MED6: variants seen among roughly 807,000 people sequenced by gnomAD.
The protein encoded by MED6 is mediator of RNA polymerase II transcription subunit 6.
MED6 carries 33 observed loss-of-function variants against 37.5 expected under a neutral mutation model. The observed-to-expected ratio is 0.88, with a 90% confidence interval of 0.67 to 1.18. The LOEUF (loss-of-function observed/expected upper bound fraction) is 1.18. Among genes scored for constraint, MED6 ranks in the 50% most tolerant of loss-of-function variants. MED6 has a pLI of 0.00. For synonymous variants in MED6, 94 were observed against 93.6 expected, an observed-to-expected ratio of 1.00 and a Z score of -0.02; for missense variants, 235 against 290.6, an observed-to-expected ratio of 0.81 and a Z score of 1.39.
At position 70,593,366 on chromosome 14, in the gene MED6, G is replaced by C. The variant is rs1884942023; in HGVS notation, c.287C>G (p.Ala96Gly). ...CACTCCAGCAATGATATAGTAATCA[G>C]CTAGTGGGATAACTAAAACAGTGGG... The part of the protein sequence containing the change: ...RQSPAQVIPL[A>G]DYYIIAGVIY... Residue 96 changes from alanine (A) to glycine (G), a missense_variant, in exon 4 of 8, where the codon GCT becomes GGT. Transcript: ENST00000256379. The C allele has an allele frequency of 1.2e-6, 2 of 1,613,080 alleles. No individual in the cohort carries two copies. Among genetic ancestry groups the C allele is most frequent in the African/African-American group, 2.7e-5 (2 of 75,020 alleles).
rs747943903 is a variant in MED6 at position 70,584,136 on chromosome 14, C to G, written c.*677G>C. 1 of 741,584 alleles carries G rather than the reference C, an allele frequency of 1.3e-6. No homozygotes were observed. Among genetic ancestry groups the G allele is most frequent in the Non-Finnish European group, 2.4e-6 (1 of 410,050 alleles). 45.9% of individuals were successfully genotyped at this position (741,584 alleles called of 1,614,324 possible). ...TAATACTGAGGATTATGTAACTGAA[C>G]AAAAAGAAATATGCTTAGTTACTAC... is the stretch of plus-strand genomic sequence containing the variant. On this transcript the variant is annotated 3_prime_UTR_variant, in exon 8 of 8. Transcript: ENST00000256379.
intron 1 of MED6, among the ~76,000 whole-genome samples, chr14:70,599,521 C>T (rs1885142861): frequency 1.3e-5 from 2 of 152,122 alleles, no homozygotes; most frequent in South Asian, 4.1e-4. Context: ...AATGGCTCTG[C>T]GTTTTACTCA....
At chr14:70,596,790 C>T (rs1885061490) in intron 2 of MED6, 88 bp from the exon 3 acceptor site, 2 of 953,280 alleles carry the variant, frequency 2.1e-6, no homozygotes, top group Admixed American at 2.2e-5. Flanking sequence ...AAAAATGCAG[C>T]AACACTTTAA....
chr14:70,595,967 T>C (rs1283191176), intron 3 of MED6, among the ~76,000 whole-genome samples: 1 of 152,242 alleles, frequency 6.6e-6, no homozygotes, highest in African/African-American at 2.4e-5. Context: ...GTAGCTTTGA[T>C]GCAGTGAGTC....
chr14:70,599,726 AT>A (rs78077196), intron 1 of MED6, among the ~76,000 whole-genome samples: 19,046 of 152,108 alleles, frequency 0.13, 1,628 homozygotes, highest in East Asian at 0.48. Flanking sequence ...TATAAACTAA[AT>A]ATTTCTCTTT....
At chr14:70,591,435 A>G (rs887038160) in intron 5 of MED6, 54 bp from the exon 6 acceptor site, 70 of 1,376,548 alleles carry the variant, frequency 5.1e-5, no homozygotes, top group Non-Finnish European at 6.4e-5. Context: ...TTGGTGTCTC[A>G]TATTTTACAA....
rs1416782920 is a variant in MED6, at chr14:70,591,347, T to C, written c.501A>G (p.Glu167=). 1 of 1,606,162 alleles carries C rather than the reference T, an allele frequency of 6.2e-7. No individual in the cohort carries two copies. The highest frequency in any genetic ancestry group is 1.3e-5 in the African/African-American group (1 of 74,432). The change falls in exon 6 of 8, where the codon GAA becomes GAG. Residue 167 remains glutamate, a synonymous_variant. Coordinates refer to ENST00000256379, the MANE Select transcript of MED6 (RefSeq NM_005466.4). ...GTTGTCTCTGAAAAATAGAGCTTGGTTCTTCTTTCCTTTTGGCTTTAGGTC... is the reference window on the plus strand; with the variant it reads ...GTTGTCTCTGAAAAATAGAGCTTGGCTCTTCTTTCCTTTTGGCTTTAGGTC... The part of the protein sequence containing the change: ...KVRPKAKRKE[E]PSSIFQRQRV...
chr14:70,591,054 A>G (rs1269703871), intron 6 of MED6, among the ~76,000 whole-genome samples: 1 of 152,242 alleles, frequency 6.6e-6, no homozygotes. Context: ...GTGAAGTTTC[A>G]GTAAGAAACA....
chr14:70,593,482 G>T, intron 3 of MED6, 104 bp from the exon 4 acceptor site: 1 of 872,708 alleles, frequency 1.1e-6, no homozygotes, highest in Non-Finnish European at 1.8e-6. Flanking sequence ...CATAAGGCAG[G>T]GTTTAGCAAT....
chr14:70,597,962 TATG>T (rs1167790066), intron 1 of MED6, 185 bp from the exon 2 acceptor site: 3 of 403,578 alleles, frequency 7.4e-6, no homozygotes, highest in African/African-American at 2.1e-5. Flanking sequence ...GATTAAGTCT[TATG>T]ATAAAGACAT....
chr14:70,593,007 A>G lies in MED6; in HGVS notation c.358-19T>C. The G allele has an allele frequency of 6.2e-7, 1 of 1,612,364 alleles. No individual in the cohort carries two copies. The highest frequency in any genetic ancestry group is 1.6e-4 in the Middle Eastern group (1 of 6,062). ...CAGTAAGCTTGTAAAAGGAAAATAA[A>G]CTCTAAATTTATCATTAGGTCGACC... On this transcript the variant is annotated intron_variant, in intron 4 of 7. Transcript: ENST00000256379.
intron 6 of MED6, among the ~76,000 whole-genome samples, chr14:70,588,415 G>C (rs555123740): frequency 2.8e-4 from 42 of 152,226 alleles, no homozygotes; most frequent in African/African-American, 9.1e-4. Flanking sequence ...GCCGGGCGCG[G>C]TGGCTCATGC....
chr14:70,586,415 A>G (rs1884708738), intron 6 of MED6, among the ~76,000 whole-genome samples: 1 of 152,198 alleles, frequency 6.6e-6, no homozygotes, highest in African/African-American at 2.4e-5. Context: ...TAAATGCTCT[A>G]CGACATTCTT....
Position 70,597,600 on chromosome 14 carries a change from C to A in MED6, c.182+18G>T. On this transcript the variant is annotated intron_variant, in intron 2 of 7. Coordinates refer to ENST00000256379, the MANE Select transcript of MED6 (RefSeq NM_005466.4). ...AACTTGTATTTGGAAAAAGTGCCACCTTCTTAAAATAACTTACTTCAAGTG... is the reference window on the plus strand; with the variant it reads ...AACTTGTATTTGGAAAAAGTGCCACATTCTTAAAATAACTTACTTCAAGTG... The A allele has an allele frequency of 7.0e-7, 1 of 1,434,248 alleles. No homozygotes were observed. The highest frequency in any genetic ancestry group is 9.2e-7 in the Non-Finnish European group (1 of 1,091,414). 88.8% of individuals were successfully genotyped at this position (1,434,248 alleles called of 1,614,324 possible).
intron 1 of MED6, among the ~76,000 whole-genome samples, chr14:70,599,416 C>G (rs1038215136): frequency 3.3e-5 from 5 of 152,152 alleles, no homozygotes; most frequent in African/African-American, 1.2e-4. Context: ...ACTGGTTTTC[C>G]TAATTCTACC....
intron 3 of MED6, chr14:70,595,582 TGGCACAGGCCGG>T (rs1885019626): frequency 2.8e-6 from 2 of 721,702 alleles, no homozygotes. Context: ...GAGTTGGAGC[TGGCACAGGCCGG>T]GGCAGAGAGG....
chr14:70,588,060 G>C (rs1018346593), intron 6 of MED6, among the ~76,000 whole-genome samples: 1 of 152,208 alleles, frequency 6.6e-6, no homozygotes, highest in Non-Finnish European at 1.5e-5. Flanking sequence ...GGTAGTTCTG[G>C]AGGATGCAAT....
At chr14:70,595,635 C>A (rs1240844057) in intron 3 of MED6, 3 of 929,042 alleles carry the variant, frequency 3.2e-6, no homozygotes, top group Non-Finnish European at 3.4e-6. Flanking sequence ...CAAGGCCCTG[C>A]TGAACATCAA....
intron 3 of MED6, chr14:70,595,238 T>C (rs772832818): frequency 5.9e-5 from 32 of 544,898 alleles, no homozygotes; most frequent in Admixed American, 1.3e-4. Flanking sequence ...CAGCTCTGGG[T>C]TGACGATGAA....
Sources: gnomAD v4.1 joint callset for allele counts (sites outside exome capture counted in the v4.1 genomes callset) on GRCh38, gnomAD v4.1.1 for gene constraint, MANE v1.5 for transcripts, NCBI Gene and HGNC (gene_info 2026-07-23, HGNC 2026-07-21) for gene names.